Variants in EIF4G3 observed in about 807,000 individuals in gnomAD.
EIF4G3 encodes the protein eukaryotic translation initiation factor 4 gamma 3.
Under a neutral mutation model 186.4 loss-of-function variants are expected in EIF4G3, and 34 were observed. That is an observed-to-expected ratio of 0.18 (90% CI 0.14 to 0.24). EIF4G3 has a LOEUF of 0.24. Among genes scored for constraint, EIF4G3 ranks in the 10% least tolerant of loss-of-function variants. The pLI is 1.00. For missense variants in EIF4G3, 1,536 were observed against 1,948.5 expected (o/e 0.79, Z 3.99); for synonymous variants, 673 against 679.5 (o/e 0.99, Z 0.15).
intron 2 of EIF4G3, chr1:21,161,649 A>C (rs2097767696): frequency 6.6e-6 from 1 of 152,194 alleles, no homozygotes; most frequent in Non-Finnish European, 1.5e-5. Flanking sequence ...GGGTAGAGAG[A>C]GATTCAACCA....
chr1:20,912,192 G>A (rs1310213859), intron 14 of EIF4G3, among the ~76,000 whole-genome samples: 1 of 152,190 alleles, frequency 6.6e-6, no homozygotes, highest in Admixed American at 6.5e-5. Flanking sequence ...CAAGAAGATT[G>A]CCCAAGCCTG....
intron 7 of EIF4G3, among the ~76,000 whole-genome samples, chr1:20,986,803 T>C (rs1169298377): frequency 7.4e-6 from 1 of 135,886 alleles, no homozygotes; most frequent in Non-Finnish European, 1.6e-5. Flanking sequence ...CTTATCCAAG[T>C]AACTGATAAA....
At chr1:20,932,616 A>G (rs2095362755) in intron 14 of EIF4G3, among the ~76,000 whole-genome samples, 1 of 152,040 alleles carries the variant, frequency 6.6e-6, no homozygotes, top group South Asian at 2.1e-4. Context: ...AAGGCCCAAG[A>G]AGAGGGAGGG....
chr1:20,870,933 AC>A (rs1243523497), intron 20 of EIF4G3, among the ~76,000 whole-genome samples: 3 of 152,140 alleles, frequency 2.0e-5, no homozygotes, highest in Admixed American at 2.0e-4. Context: ...AGCTTGGTGG[AC>A]ACAGGCAGCT....
At chr1:20,833,510 G>A (rs1295250589) in intron 30 of EIF4G3, among the ~76,000 whole-genome samples, 1 of 152,144 alleles carries the variant, frequency 6.6e-6, no homozygotes, top group African/African-American at 2.4e-5. Flanking sequence ...ATTTTGGGCT[G>A]AGACAAAGGG....
At chr1:20,983,679 C>G (rs962069525) in intron 7 of EIF4G3, among the ~76,000 whole-genome samples, 5 of 152,130 alleles carry the variant, frequency 3.3e-5, no homozygotes, top group Non-Finnish European at 5.9e-5. Context: ...GGATAAAAAT[C>G]TTAATACTGA....
At chr1:21,176,567 ACGCCGCCGCCGCCGCCGCCGC>A (rs948854829) in intron 1 of EIF4G3, among the ~76,000 whole-genome samples, 134 bp downstream of exon 1, 5 of 115,244 alleles carry the variant, frequency 4.3e-5, no homozygotes, top group Non-Finnish European at 9.2e-5. Flanking sequence ...CACACGCCCG[ACGCCGCCGCCGCCGCCGCCGC>A]CGCCTCCGCC....
intron 10 of EIF4G3, among the ~76,000 whole-genome samples, chr1:20,975,489 A>G (rs919695274): frequency 2.0e-5 from 3 of 151,824 alleles, no homozygotes; most frequent in Admixed American, 2.0e-4. Flanking sequence ...GTGACAGAAC[A>G]AGATAATCTC....
intron 34 of EIF4G3, among the ~76,000 whole-genome samples, chr1:20,816,105 A>G (rs1357629146): frequency 2.6e-4 from 23 of 86,916 alleles, no homozygotes; most frequent in African/African-American, 3.3e-4. Flanking sequence ...AGGTGGGGGG[A>G]TCAGCCCCCC....
chr1:21,068,541 T>G (rs1036604803), intron 3 of EIF4G3, among the ~76,000 whole-genome samples: 2 of 152,120 alleles, frequency 1.3e-5, no homozygotes, highest in African/African-American at 2.4e-5. Flanking sequence ...TTTAGCACAG[T>G]GTCTGGGACA....
chr1:21,015,465 A>C lies in EIF4G3; in HGVS notation c.-66-12657T>G, dbSNP rs145611985. On this transcript the variant is annotated intron_variant, in intron 4 of 36. Coordinates refer to ENST00000602326, the MANE Select transcript of EIF4G3 (RefSeq NM_001391906.1). ...AAACCAAAGAGACCCACATGGAAACACATATTCAAAATGTCAAAAGTAAAA... is the reference window on the plus strand; with the variant it reads ...AAACCAAAGAGACCCACATGGAAACCCATATTCAAAATGTCAAAAGTAAAA... Among the ~76,000 whole-genome samples, 8 of 152,326 alleles carry C rather than the reference A, an allele frequency of 5.3e-5. 1 individual carries two copies. In the East Asian group the frequency reaches 1.5e-3, roughly 29 times the overall value.
chr1:20,923,078 CT>C (rs1308912528), intron 14 of EIF4G3, among the ~76,000 whole-genome samples: 1 of 152,108 alleles, frequency 6.6e-6, no homozygotes, highest in East Asian at 1.9e-4. Flanking sequence ...AAACACAGAT[CT>C]AACTTCAAAA....
chr1:21,148,656 C>T (rs1251360741), intron 2 of EIF4G3, among the ~76,000 whole-genome samples: 1 of 148,150 alleles, frequency 6.7e-6, no homozygotes, highest in Non-Finnish European at 1.5e-5. Context: ...GAGCCGAGAT[C>T]GCGCCACTGC....
At chr1:20,865,070 C>T (rs769032190) in intron 21 of EIF4G3, 46 bp downstream of exon 21, 2 of 1,605,502 alleles carry the variant, frequency 1.2e-6, no homozygotes, top group Non-Finnish European at 1.7e-6. Flanking sequence ...TTCTACTTTA[C>T]AGTGCTCAAA....
intron 2 of EIF4G3, chr1:21,111,478 G>GT: frequency 2.4e-6 from 1 of 423,134 alleles, no homozygotes; most frequent in Non-Finnish European, 4.9e-6. Context: ...AAGATCATGA[G>GT]TTTTCCTTTC....
chr1:21,156,262 G>A (rs779926393), intron 2 of EIF4G3, among the ~76,000 whole-genome samples: 1 of 152,106 alleles, frequency 6.6e-6, no homozygotes, highest in Non-Finnish European at 1.5e-5. Context: ...TAAAGGTTGT[G>A]CTGCGTTGAT....
At chr1:21,078,215 G>C (rs1254619700) in intron 3 of EIF4G3, among the ~76,000 whole-genome samples, 1 of 152,226 alleles carries the variant, frequency 6.6e-6, no homozygotes, top group Non-Finnish European at 1.5e-5. Flanking sequence ...GTGGATCAAT[G>C]TAAGTATCCA....
intron 3 of EIF4G3, among the ~76,000 whole-genome samples, chr1:21,052,011 A>G (rs1298218722): frequency 6.6e-6 from 1 of 152,248 alleles, no homozygotes; most frequent in Non-Finnish European, 1.5e-5. Context: ...ATATTTTTAA[A>G]GATCTGTAAA....
chr1:20,849,313 G>C, intron 29 of EIF4G3, 102 bp downstream of exon 29: 1 of 562,314 alleles, frequency 1.8e-6, no homozygotes, highest in Non-Finnish European at 3.0e-6. Context: ...CTCAACCTAA[G>C]TCTTATCAGT....
Sources: gnomAD v4.1 joint callset for allele counts (sites outside exome capture counted in the v4.1 genomes callset) on GRCh38, gnomAD v4.1.1 for gene constraint, MANE v1.5 for transcripts, NCBI Gene and HGNC (gene_info 2026-07-23, HGNC 2026-07-21) for gene names.